Variants in PLEKHM2 observed in about 807,000 individuals in gnomAD.
PLEKHM2 encodes pleckstrin homology and RUN domain containing M2.
A neutral mutation model predicts 116.3 loss-of-function variants in PLEKHM2; 77 were observed. That is an observed-to-expected ratio of 0.66 (90% confidence interval 0.55 to 0.80). The LOEUF is 0.80. Among genes scored for constraint, PLEKHM2 ranks in the 30% least tolerant of loss-of-function variants. PLEKHM2 has a pLI of 0.00. For synonymous variants in PLEKHM2, 562 were observed against 571.0 expected, an observed-to-expected ratio of 0.98 and a Z score of 0.22; for missense variants, 1,183 against 1,354.9, an observed-to-expected ratio of 0.87 and a Z score of 1.99.
In PLEKHM2 at chr1:15,728,746, C is replaced by T. The variant is rs201099827; in HGVS notation, c.1986+13C>T. 9.4e-5 allele frequency: 151 copies of T among 1,602,634 alleles called. No homozygotes were observed. In the African/African-American group the frequency reaches 1.8e-3, roughly 19 times the overall value. On this transcript the variant is annotated intron_variant, in intron 12 of 19. Coordinates refer to ENST00000375799, the MANE Select transcript of PLEKHM2 (RefSeq NM_015164.4). The surrounding 1 kb of genome is among the most constrained non-coding windows in gnomAD (Gnocchi z 5.9). ...TGACTATGTGTCGGTGAGTCCAGGC[C>T]CCGCAGTTGTGCGCCTGCTGTAGGT...
At position 15,727,189 on chromosome 1, in the gene PLEKHM2, C is replaced by T; in HGVS notation, c.1117C>T (p.Gln373Ter). 6.2e-7 allele frequency: 1 copy of T among 1,605,924 alleles called. No individual in the cohort carries two copies. Among genetic ancestry groups the T allele is most frequent in the Non-Finnish European group, 8.5e-7 (1 of 1,176,522 alleles). The change falls in exon 9 of 20, where the codon CAG (glutamine) becomes TAG (stop). Residue 373 changes from glutamine (Q) to a stop codon, truncating the protein, a stop_gained. Coordinates refer to ENST00000375799, the MANE Select transcript of PLEKHM2 (RefSeq NM_015164.4). LOFTEE classifies it high-confidence loss of function. This position sits in a 1 kb window ranked among gnomAD's most constrained non-coding sequence, Gnocchi z 7.5. ...GCCAGACACTATGCTTGCCTCCCCCCAGGAGGAGGGAGAGGGGCCGAGCAG... is the reference window on the plus strand; with the variant it reads ...GCCAGACACTATGCTTGCCTCCCCCTAGGAGGAGGGAGAGGGGCCGAGCAG... ...DSPDTMLASP[Q>*]EEGEGPSSTT...
At chr1:15,691,507 C>T (rs1233771501) in intron 1 of PLEKHM2, among the ~76,000 whole-genome samples, 1 of 152,264 alleles carries the variant, frequency 6.6e-6, no homozygotes, top group African/African-American at 2.4e-5. Context: ...AACCATCTCT[C>T]AGTTCCTGGG....
At chr1:15,718,423 G>A (rs1206740227) in intron 4 of PLEKHM2, 115 bp from the exon 5 acceptor site, 7 of 691,258 alleles carry the variant, frequency 1.0e-5, no homozygotes, top group Admixed American at 4.2e-5. Context: ...GCTGGGTGCC[G>A]TCCAAGGTGG....
chr1:15,717,789 T>C (rs1311415105), intron 3 of PLEKHM2, 104 bp from the exon 4 acceptor site: 4 of 722,382 alleles, frequency 5.5e-6, no homozygotes, highest in Non-Finnish European at 9.7e-6. Context: ...CTGAAGTGCC[T>C]GGTCCCATTA....
rs1249746368 is a variant in PLEKHM2, at chr1:15,698,541, C to CTTTTT, written c.60+13926_60+13927insTTTTT. ...TGTTTTTCTTTCTTTTTCTTTCTTT[C>CTTTTT]TTTCTTTCTTTTTTTTTTTTTTTTT... On this transcript the variant is annotated intron_variant, in intron 1 of 19. Transcript: ENST00000375799. Among the ~76,000 whole-genome samples, 50 of 139,026 alleles carry CTTTTT rather than the reference C, an allele frequency of 3.6e-4. 1 individual carries two copies. The highest frequency in any genetic ancestry group is 1.4e-3 in the African/African-American group (47 of 34,368). The allele number at this position is 139,026 out of a possible 152,430, so 91.2% of individuals were successfully genotyped here. A position where few individuals can be genotyped will look rare whatever the true frequency, so the allele number is the denominator to read the frequency against.
chr1:15,729,282 A>G lies in PLEKHM2; in HGVS notation c.2075+92A>G, dbSNP rs771190398. ...CTGGGGGTCAGGGGTGGAGGTGGAA[A>G]GTGGGAGATCCAGGAGGGGAAACCA... On this transcript the variant is annotated intron_variant, in intron 13 of 19. Coordinates refer to ENST00000375799, the MANE Select transcript of PLEKHM2 (RefSeq NM_015164.4). This position sits in a 1 kb window ranked among gnomAD's most constrained non-coding sequence, Gnocchi z 4.7. 5.7e-6 allele frequency: 6 copies of G among 1,048,244 alleles called. No individual in the cohort carries two copies. The highest frequency in any genetic ancestry group is 8.7e-6 in the Non-Finnish European group (6 of 687,964). The allele number at this position is 1,048,244 out of a possible 1,614,324, so 64.9% of individuals were successfully genotyped here.
intron 1 of PLEKHM2, among the ~76,000 whole-genome samples, chr1:15,713,792 C>A (rs1012696933): frequency 6.6e-6 from 1 of 151,976 alleles, no homozygotes; most frequent in Non-Finnish European, 1.5e-5. Context: ...CCTGCCACTA[C>A]GCCCGGCTAA....
chr1:15,706,172 CTG>C (rs1320433477), intron 1 of PLEKHM2, among the ~76,000 whole-genome samples: 3 of 152,186 alleles, frequency 2.0e-5, no homozygotes, highest in African/African-American at 4.8e-5. Context: ...TCCCATCAAA[CTG>C]GTAATGAAAC....
chr1:15,730,045 C>G, intron 14 of PLEKHM2, 116 bp downstream of exon 14: 1 of 109,982 alleles, frequency 9.1e-6, no homozygotes, highest in Non-Finnish European at 1.7e-5. Context: ...AATCGCCTAC[C>G]TGGGCGGGGC....
chr1:15,701,748 G>A (rs550927926), intron 1 of PLEKHM2, among the ~76,000 whole-genome samples: 13 of 152,272 alleles, frequency 8.5e-5, no homozygotes, highest in East Asian at 3.9e-4. Flanking sequence ...CCGAGATTGC[G>A]CCACTGCACT....
At chr1:15,695,142 T>C (rs1422957600) in intron 1 of PLEKHM2, among the ~76,000 whole-genome samples, 1 of 152,218 alleles carries the variant, frequency 6.6e-6, no homozygotes, top group Non-Finnish European at 1.5e-5. Context: ...GAAGAAGGTA[T>C]TAGTTTCTTA....
At chr1:15,723,042 G>A (rs958816231) in intron 7 of PLEKHM2, 4 of 152,222 alleles carry the variant, frequency 2.6e-5, no homozygotes, top group South Asian at 2.1e-4. Context: ...CAGCTCACCC[G>A]GGGAGGCTCT....
intron 1 of PLEKHM2, among the ~76,000 whole-genome samples, chr1:15,685,455 C>G (rs191960005): frequency 3.2e-4 from 46 of 143,836 alleles, no homozygotes; most frequent in African/African-American, 1.1e-3. Context: ...ATGGCCAAAT[C>G]AGAATGGATT....
Position 15,727,138 on chromosome 1 carries a change from G to C in PLEKHM2, c.1066G>C (p.Gly356Arg). Residue 356 changes from glycine (G) to arginine (R), a missense_variant, in exon 9 of 20, where the codon GGC becomes CGC. By Grantham distance (125) the Gly-to-Arg change is moderately radical (BLOSUM62 -2). This residue lies in a region of PLEKHM2 where 372 missense variants were observed against 357.2 expected (regional missense o/e 1.04). Transcript: ENST00000375799. This position sits in a 1 kb window ranked among gnomAD's most constrained non-coding sequence, Gnocchi z 7.5. ...GCAGGGGGACGGTGACAGCCGCAAC[G>C]GCAGCCCAAGCCTTGGGCGGGACTC... ...AKQGDGDSRN[G>R]SPSLGRDSPD... 1 of 1,593,166 alleles carries C rather than the reference G, an allele frequency of 6.3e-7. No individual in the cohort carries two copies. Among genetic ancestry groups the C allele is most frequent in the South Asian group, 1.1e-5 (1 of 88,354 alleles).
chr1:15,692,195 C>T (rs1484533169), intron 1 of PLEKHM2, among the ~76,000 whole-genome samples: 3 of 151,970 alleles, frequency 2.0e-5, no homozygotes, highest in Non-Finnish European at 2.9e-5. Flanking sequence ...ATTGTATTGA[C>T]TATTTGGTTT....
chr1:15,732,259 C>T (rs1027402079), intron 17 of PLEKHM2, 91 bp from the exon 18 acceptor site: 3 of 1,149,936 alleles, frequency 2.6e-6, no homozygotes, highest in Middle Eastern at 2.1e-4. Context: ...GGAGGGAGAG[C>T]AGAAGGGCTG....
chr1:15,700,568 A>G (rs1641089789), intron 1 of PLEKHM2, among the ~76,000 whole-genome samples: 1 of 152,102 alleles, frequency 6.6e-6, no homozygotes, highest in Non-Finnish European at 1.5e-5. Context: ...TTCACTGATA[A>G]CTTCTCCCTC....
At position 15,729,268 on chromosome 1, in the gene PLEKHM2, G is replaced by C; in HGVS notation, c.2075+78G>C. The C allele has an allele frequency of 1.7e-6, 2 of 1,210,270 alleles. No individual in the cohort carries two copies. The highest frequency in any genetic ancestry group is 1.3e-5 in the South Asian group (1 of 77,842). 75.0% of individuals were successfully genotyped at this position (1,210,270 alleles called of 1,614,324 possible). ...TAGGTGTGGGTGGCCTGGGGGTCAG[G>C]GGTGGAGGTGGAAAGTGGGAGATCC... is the stretch of plus-strand genomic sequence containing the variant. On this transcript the variant is annotated intron_variant, in intron 13 of 19. Coordinates refer to ENST00000375799, the MANE Select transcript of PLEKHM2 (RefSeq NM_015164.4). The surrounding 1 kb of genome is among the most constrained non-coding windows in gnomAD (Gnocchi z 4.7).
At chr1:15,711,313 A>T (rs548348614) in intron 1 of PLEKHM2, among the ~76,000 whole-genome samples, 140 of 152,202 alleles carry the variant, frequency 9.2e-4, no homozygotes, top group African/African-American at 3.2e-3. Flanking sequence ...TAAAACTATA[A>T]AAGAAAAAAG....
Sources: gnomAD v4.1 joint callset for allele counts (sites outside exome capture counted in the v4.1 genomes callset) on GRCh38, gnomAD v4.1.1 for gene constraint, gnomAD v4.1.1 regional missense constraint, Gnocchi (gnomAD v3.1) non-coding constraint, MANE v1.5 for transcripts, NCBI Gene and HGNC (gene_info 2026-07-23, HGNC 2026-07-21) for gene names.